Variants in P2RY8 observed in about 807,000 individuals in gnomAD.
The protein encoded by P2RY8 is P2Y receptor family member 8.
A neutral mutation model predicts 10.0 loss-of-function variants in P2RY8; 6 were observed. That is an observed-to-expected ratio of 0.60 (90% CI 0.33 to 1.19). The LOEUF (loss-of-function observed/expected upper bound fraction) is 1.19. P2RY8 is among the 50% of genes most tolerant of loss of function. The probability of loss-of-function intolerance (pLI) is 0.04; values close to 1 mark genes in which losing one functional copy is unlikely to be tolerated. For missense variants in P2RY8, 456 were observed against 542.0 expected (o/e 0.84, Z 1.58); for synonymous variants, 276 against 252.5 (o/e 1.09, Z -0.88).
At chrX:1,478,246 C>CGTGTGTGTGTGT (rs1389734508) in intron 1 of P2RY8, among the ~76,000 whole-genome samples, 25 of 141,254 alleles carry the variant, frequency 1.8e-4, no homozygotes, top group African/African-American at 6.7e-4. Flanking sequence ...TGCTGGCAGG[C>CGTGTGTGTGTGT]GTATGTGTGT....
At chrX:1,472,298 C>T (rs1261110717) in intron 1 of P2RY8, among the ~76,000 whole-genome samples, 3 of 151,186 alleles carry the variant, frequency 2.0e-5, no homozygotes, top group Non-Finnish European at 4.4e-5. Flanking sequence ...GGCACAGACA[C>T]AGAGAGAAGG....
chrX:1,518,439 T>A (rs758634937), intron 1 of P2RY8, among the ~76,000 whole-genome samples: 14,303 of 106,496 alleles, frequency 0.13, 808 homozygotes, highest in South Asian at 0.15. Context: ...AAAAAAAAAA[T>A]AATAATAATA....
At chrX:1,524,620 TCCA>T (rs2092422406) in intron 1 of P2RY8, among the ~76,000 whole-genome samples, 1 of 131,414 alleles carries the variant, frequency 7.6e-6, no homozygotes. Context: ...CATCCATCCA[TCCA>T]TTCATCCATC....
intron 1 of P2RY8, among the ~76,000 whole-genome samples, chrX:1,501,445 T>C (rs1485587236): frequency 6.6e-6 from 1 of 151,994 alleles, no homozygotes; most frequent in Non-Finnish European, 1.5e-5. Flanking sequence ...CACTGCAACC[T>C]CAACTTCCTG....
chrX:1,520,485 C>T (rs1163749850), intron 1 of P2RY8, among the ~76,000 whole-genome samples: 1 of 150,990 alleles, frequency 6.6e-6, no homozygotes, highest in Non-Finnish European at 1.5e-5. Context: ...CTCTAATAAT[C>T]TCCCTGATCC....
In P2RY8 at chrX:1,466,440, C is replaced by G; in HGVS notation, c.119G>C (p.Gly40Ala). ...CAGCACCCACAGAGAGAAGAGGTTGCCCGGGATGCTGACCGCCGCCACCAG... is the reference window on the plus strand; with the variant it reads ...CAGCACCCACAGAGAGAAGAGGTTGGCCGGGATGCTGACCGCCGCCACCAG... Reference protein sequence around the residue: ...YSLVAAVSIPGNLFSLWVLCR... With the variant: ...YSLVAAVSIPANLFSLWVLCR... The change falls in exon 2 of 2, where the codon GGC (glycine) becomes GCC (alanine). Residue 40 changes from glycine to alanine, a missense_variant. Transcript: ENST00000381297. 1 of 1,612,836 alleles carries G rather than the reference C, an allele frequency of 6.2e-7. No individual in the cohort carries two copies. Among genetic ancestry groups the G allele is most frequent in the Non-Finnish European group, 8.5e-7 (1 of 1,179,830 alleles).
rs140021132 is a variant in P2RY8 at position 1,496,300 on chromosome X, G to A, written c.-24-29718C>T. On this transcript the variant is annotated intron_variant, in intron 1 of 1. Transcript: ENST00000381297. ...AGGCCATCTGGAGTCATGCTCCCCC[G>A]CCAGCTTCTCAGTAGAGACAGCACG... Among the ~76,000 whole-genome samples the A allele has an allele frequency of 8.2e-3, 1,248 of 152,242 alleles. 14 individuals carry two copies. The highest frequency in any genetic ancestry group is 0.028 in the African/African-American group (1,149 of 41,526).
chrX:1,487,837 G>A (rs1259706740), intron 1 of P2RY8, among the ~76,000 whole-genome samples: 12 of 152,304 alleles, frequency 7.9e-5, no homozygotes, highest in South Asian at 2.1e-4. Flanking sequence ...CGGGCCAGGC[G>A]CGGTGGCTCA....
chrX:1,520,992 A>G (rs1235715591), intron 1 of P2RY8, among the ~76,000 whole-genome samples: 18 of 147,712 alleles, frequency 1.2e-4, no homozygotes, highest in African/African-American at 4.0e-4. Context: ...TTGGCCCCCA[A>G]TCATCACCCT....
At chrX:1,505,875 C>A (rs1422589805) in intron 1 of P2RY8, among the ~76,000 whole-genome samples, 1 of 152,104 alleles carries the variant, frequency 6.6e-6, no homozygotes, top group Non-Finnish European at 1.5e-5. Context: ...CATTTCTACC[C>A]CTGTGTAAAA....
At chrX:1,534,733 G>T (rs2092512064) in intron 1 of P2RY8, among the ~76,000 whole-genome samples, 1 of 152,142 alleles carries the variant, frequency 6.6e-6, no homozygotes. Context: ...CCGGGGAAAG[G>T]GCCTCTCCAA....
intron 1 of P2RY8, among the ~76,000 whole-genome samples, chrX:1,509,813 C>G (rs1200717123): frequency 7.6e-3 from 730 of 95,814 alleles, no homozygotes; most frequent in Middle Eastern, 0.019. Flanking sequence ...ATCTATCTAT[C>G]TATCTATCTA....
At chrX:1,474,375 G>A (rs770513427) in intron 1 of P2RY8, among the ~76,000 whole-genome samples, 2 of 73,364 alleles carry the variant, frequency 2.7e-5, no homozygotes, top group Admixed American at 1.5e-4. Flanking sequence ...GGATGGATAA[G>A]TGGGTGGGTG....
chrX:1,487,423 A>G (rs1289325380), intron 1 of P2RY8, among the ~76,000 whole-genome samples: 6 of 89,708 alleles, frequency 6.7e-5, no homozygotes, highest in African/African-American at 1.7e-4. Context: ...TTTGCTTTAC[A>G]TATGGGGACA....
Position 1,465,332 on chromosome X carries a change from A to G in P2RY8, c.*147T>C. The stretch of plus-strand genomic sequence containing the variant: ...TGCCTCTGCAGTGCCTGGGAGGAAT[A>G]AAGCCTGGAGACCCTTCCCCACCGG... On this transcript the variant is annotated 3_prime_UTR_variant, in exon 2 of 2. Coordinates refer to ENST00000381297, the MANE Select transcript of P2RY8 (RefSeq NM_178129.5). 3 of 1,333,136 alleles carry G rather than the reference A, an allele frequency of 2.3e-6. No homozygotes were observed. Among genetic ancestry groups the G allele is most frequent in the Non-Finnish European group, 3.0e-6 (3 of 994,960 alleles). 82.6% of individuals were successfully genotyped at this position (1,333,136 alleles called of 1,614,324 possible).
intron 1 of P2RY8, among the ~76,000 whole-genome samples, chrX:1,507,471 C>G (rs1355315898): frequency 6.6e-6 from 1 of 152,158 alleles, no homozygotes; most frequent in East Asian, 1.9e-4. Flanking sequence ...TGAAAATCAT[C>G]ACTGAGCCAG....
chrX:1,493,386 AG>A (rs1569537362), intron 1 of P2RY8, among the ~76,000 whole-genome samples: 25 of 27,832 alleles, frequency 9.0e-4, no homozygotes, highest in African/African-American at 2.2e-3. Flanking sequence ...AGGAGGAAGG[AG>A]GGAGGGAGGG....
rs56218707 is a variant in P2RY8 at position 1,463,844 on chromosome X, G to A, written c.*1635C>T. The A allele has an allele frequency of 0.042, 9,842 of 233,146 alleles. 276 individuals are homozygous for A. The highest frequency in any genetic ancestry group is 0.061 in the Middle Eastern group (48 of 784). 14.4% of individuals were successfully genotyped at this position (233,146 alleles called of 1,614,324 possible). A position where few individuals can be genotyped will look rare whatever the true frequency, so the allele number is the denominator to read the frequency against. ...GCTTTGTGTCTGTGTCTCCTCTTCC[G>A]TCTCTCATAGGGACACTGGATTGGG... On this transcript the variant is annotated 3_prime_UTR_variant, in exon 2 of 2. Transcript: ENST00000381297.
intron 1 of P2RY8, among the ~76,000 whole-genome samples, chrX:1,532,146 A>T (rs1331746122): frequency 5.9e-5 from 9 of 152,110 alleles, no homozygotes; most frequent in African/African-American, 1.2e-4. Flanking sequence ...TTGCACAGGC[A>T]TGTTTATAGC....
Sources: allele counts gnomAD v4.1 joint callset (sites outside exome capture counted in the v4.1 genomes callset), GRCh38; gene constraint gnomAD v4.1.1; transcripts MANE v1.5; gene names NCBI Gene and HGNC (gene_info 2026-07-23, HGNC 2026-07-21).